ANKRD17: variants seen among roughly 807,000 people sequenced by gnomAD.
ANKRD17 encodes ankyrin repeat domain-containing protein 17.
A neutral mutation model predicts 229.7 loss-of-function variants in ANKRD17; 19 were observed. The ratio of observed to expected loss-of-function variants is 0.08; its 90% CI spans 0.06 to 0.12. The LOEUF (loss-of-function observed/expected upper bound fraction) is 0.12, where lower values mean the gene tolerates loss of function less well. Among genes scored for constraint, ANKRD17 ranks in the 10% least tolerant of loss-of-function variants. ANKRD17 has a pLI of 1.00. For synonymous variants in ANKRD17, 1,112 were observed against 1,146.1 expected, an observed-to-expected ratio of 0.97 and a Z score of 0.60; for missense variants, 2,176 against 3,176.8, an observed-to-expected ratio of 0.68 and a Z score of 7.57.
chr4:73,188,402 T>C (rs1486817132), intron 1 of ANKRD17, among the ~76,000 whole-genome samples: 2 of 151,998 alleles, frequency 1.3e-5, no homozygotes, highest in Non-Finnish European at 2.9e-5. Flanking sequence ...CTGGCCAATA[T>C]GGTGACTCCT....
chr4:73,145,645 G>A (rs1023809434), intron 10 of ANKRD17, among the ~76,000 whole-genome samples: 4 of 151,998 alleles, frequency 2.6e-5, no homozygotes, highest in Non-Finnish European at 4.4e-5. Flanking sequence ...AGATTTCACT[G>A]CTGTATGTTT....
rs374548632 is a variant in ANKRD17 at position 73,142,653 on chromosome 4, G to C, written c.2072C>G (p.Thr691Ser). ...ELLLAHGADP[T>S]HRLKDGSTML... Reference sequence around the variant, plus strand: ...TGAGTTACATACTTTCAAACGGTGAGTAGGATCTGCCCCATGAGCCAAAAG... The same window carrying C: ...TGAGTTACATACTTTCAAACGGTGACTAGGATCTGCCCCATGAGCCAAAAG... The change falls in exon 12 of 34, where the codon ACT (threonine) becomes AGT (serine). Residue 691 changes from threonine to serine, a missense_variant. This residue lies in a region of ANKRD17 where 275 missense variants were observed against 386.9 expected (regional missense o/e 0.71). Coordinates refer to ENST00000358602, the MANE Select transcript of ANKRD17 (RefSeq NM_032217.5). The C allele has an allele frequency of 1.9e-6, 3 of 1,613,888 alleles. No homozygotes were observed. Among genetic ancestry groups the C allele is most frequent in the African/African-American group, 2.7e-5 (2 of 74,902 alleles).
intron 8 of ANKRD17, 82 bp downstream of exon 8, chr4:73,148,731 G>T: frequency 7.8e-7 from 1 of 1,285,074 alleles, no homozygotes; most frequent in Non-Finnish European, 1.1e-6. Context: ...CTAGAAAGGT[G>T]AAATACTAAA....
At chr4:73,228,892 A>C (rs558192441) in intron 1 of ANKRD17, among the ~76,000 whole-genome samples, 12 of 152,350 alleles carry the variant, frequency 7.9e-5, no homozygotes, top group Admixed American at 2.6e-4. Context: ...CCAAATGTCC[A>C]ACAATGATAG....
intron 24 of ANKRD17, chr4:73,112,806 G>A (rs1171307144): frequency 1.5e-6 from 1 of 657,182 alleles, no homozygotes; most frequent in Non-Finnish European, 1.9e-6. Context: ...TTTATTTTTT[G>A]AGACGGAGTC....
At chr4:73,180,143 T>C (rs1386844034) in intron 1 of ANKRD17, among the ~76,000 whole-genome samples, 2 of 152,090 alleles carry the variant, frequency 1.3e-5, no homozygotes, top group East Asian at 3.8e-4. Context: ...AAGCAGTATA[T>C]AGTTAACTGA....
At chr4:73,140,851 T>C (rs1729508484) in intron 14 of ANKRD17, among the ~76,000 whole-genome samples, 1 of 152,202 alleles carries the variant, frequency 6.6e-6, no homozygotes, top group Non-Finnish European at 1.5e-5. Flanking sequence ...AGGCAAGATA[T>C]AAATTCACAT....
At chr4:73,190,888 C>A (rs1054845243) in intron 1 of ANKRD17, among the ~76,000 whole-genome samples, 1 of 151,546 alleles carries the variant, frequency 6.6e-6, no homozygotes, top group Non-Finnish European at 1.5e-5. Flanking sequence ...TACTAAAGGA[C>A]AAAACAAAAA....
intron 16 of ANKRD17, among the ~76,000 whole-genome samples, chr4:73,125,563 T>C (rs1727324842): frequency 6.6e-6 from 1 of 151,784 alleles, no homozygotes; most frequent in Non-Finnish European, 1.5e-5. Context: ...TGAAACCCCA[T>C]CTTGACTGAA....
chr4:73,111,633 T>C (rs1468031858), intron 24 of ANKRD17, among the ~76,000 whole-genome samples: 5 of 152,224 alleles, frequency 3.3e-5, no homozygotes, highest in African/African-American at 1.2e-4. Context: ...AGGGTGTTTA[T>C]TACAATATTA....
At position 73,242,729 on chromosome 4, in the gene ANKRD17, T is replaced by G. The variant is rs116859628; in HGVS notation, c.393+15547A>C. Among the ~76,000 whole-genome samples the G allele has an allele frequency of 1.4e-4, 21 of 152,302 alleles. 1 individual carries two copies. In the East Asian group the frequency reaches 3.9e-3, roughly 28 times the overall value. ...GGCTGAATCATATGAAACCAGATAT[T>G]CAATGACTTGTGGCTTATAAAAATA... On this transcript the variant is annotated intron_variant, in intron 1 of 33. Coordinates refer to ENST00000358602, the MANE Select transcript of ANKRD17 (RefSeq NM_032217.5).
chr4:73,076,165 T>G lies in ANKRD17; in HGVS notation c.*66A>C. 1 of 1,469,558 alleles carries G rather than the reference T, an allele frequency of 6.8e-7. No individual in the cohort carries two copies. Among genetic ancestry groups the G allele is most frequent in the Non-Finnish European group, 9.3e-7 (1 of 1,077,348 alleles). The allele number at this position is 1,469,558 out of a possible 1,614,324, so 91.0% of individuals were successfully genotyped here. On this transcript the variant is annotated 3_prime_UTR_variant, in exon 34 of 34. Transcript: ENST00000358602. ...TAGAATGATTTGGGAGCATAATTTTTTTTTTCGGCCACTTGTGATTTCCTC... is the reference window on the plus strand; with the variant it reads ...TAGAATGATTTGGGAGCATAATTTTGTTTTTCGGCCACTTGTGATTTCCTC...
intron 15 of ANKRD17, among the ~76,000 whole-genome samples, chr4:73,137,518 AATC>A (rs1729061733): frequency 6.6e-6 from 1 of 152,202 alleles, no homozygotes; most frequent in Non-Finnish European, 1.5e-5. Context: ...AAGAAGTGGA[AATC>A]ATCATTAAGC....
intron 1 of ANKRD17, among the ~76,000 whole-genome samples, chr4:73,218,328 C>T (rs181076917): frequency 3.3e-5 from 5 of 152,192 alleles, no homozygotes; most frequent in African/African-American, 1.2e-4. Context: ...TCTATGCATC[C>T]TAAATTCAAG....
At chr4:73,217,505 A>G (rs1741234317) in intron 1 of ANKRD17, among the ~76,000 whole-genome samples, 1 of 152,174 alleles carries the variant, frequency 6.6e-6, no homozygotes, top group Non-Finnish European at 1.5e-5. Flanking sequence ...GAAATGCTCC[A>G]AAATCCAAAA....
At position 73,091,789 on chromosome 4, in the gene ANKRD17, G is replaced by A. The variant is rs763963705; in HGVS notation, c.5839C>T (p.Pro1947Ser). 6.2e-7 allele frequency: 1 copy of A among 1,614,192 alleles called. No individual in the cohort carries two copies. The change falls in exon 29 of 34, where the codon CCT (proline) becomes TCT (serine). Residue 1947 changes from proline to serine, a missense_variant. This residue lies in a region of ANKRD17 where 142 missense variants were observed against 200.4 expected (regional missense o/e 0.71). Transcript: ENST00000358602. ...CTGCTATTCTGATTGCTATGGCGAG[G>A]CACCATGTGAGGCTTAGGCGAGTTA... The part of the protein sequence containing the change: ...ATNSPKPHMV[P>S]RHSNQNSSGS...
At chr4:73,107,209 C>T (rs571358002) in intron 24 of ANKRD17, among the ~76,000 whole-genome samples, 2 of 152,240 alleles carry the variant, frequency 1.3e-5, no homozygotes, top group East Asian at 3.9e-4. Context: ...AATTCATTTA[C>T]TGGATGTAAA....
At chr4:73,210,648 C>T (rs1740128785) in intron 1 of ANKRD17, among the ~76,000 whole-genome samples, 1 of 152,102 alleles carries the variant, frequency 6.6e-6, no homozygotes. Context: ...AACCAAATTG[C>T]ATTTTATTAG....
intron 2 of ANKRD17, among the ~76,000 whole-genome samples, chr4:73,162,415 G>A (rs1310932666): frequency 6.6e-6 from 1 of 151,950 alleles, no homozygotes; most frequent in Non-Finnish European, 1.5e-5. Flanking sequence ...GGGTAGTTTA[G>A]ATCTCCTAGT....
Sources: gnomAD v4.1 joint callset for allele counts (sites outside exome capture counted in the v4.1 genomes callset) on GRCh38, gnomAD v4.1.1 for gene constraint, gnomAD v4.1.1 regional missense constraint, MANE v1.5 for transcripts, NCBI Gene and HGNC (gene_info 2026-07-23, HGNC 2026-07-21) for gene names.